The following CUL3 variants were observed in gnomAD, a reference collection of about 807,000 sequenced individuals.
CUL3 encodes cullin 3, also known as cullin-3.
CUL3 carries 19 observed loss-of-function variants against 89.1 expected under a neutral mutation model. The ratio of observed to expected loss-of-function variants is 0.21; its 90% CI spans 0.15 to 0.31. The LOEUF is 0.31. CUL3 is among the 10% of genes least tolerant of loss of function. The pLI is 1.00. For missense variants in CUL3, 469 were observed against 942.3 expected, an observed-to-expected ratio of 0.50 and a Z score of 6.58; for synonymous variants, 351 against 308.4, an observed-to-expected ratio of 1.14 and a Z score of -1.45.
chr2:224,508,602 G>C (rs1692691580), intron 6 of CUL3, among the ~76,000 whole-genome samples: 1 of 152,080 alleles, frequency 6.6e-6, no homozygotes, highest in Non-Finnish European at 1.5e-5. Flanking sequence ...GAATGTAAAA[G>C]TAAATGAAAA....
At chr2:224,508,831 G>A (rs925223739) in intron 6 of CUL3, among the ~76,000 whole-genome samples, 1 of 151,764 alleles carries the variant, frequency 6.6e-6, no homozygotes, top group African/African-American at 2.4e-5. Flanking sequence ...GCGTGGTGGC[G>A]GGAGCCTGCA....
chr2:224,502,244 GT>G (rs954286008), intron 10 of CUL3, among the ~76,000 whole-genome samples: 1 of 152,122 alleles, frequency 6.6e-6, no homozygotes, highest in African/African-American at 2.4e-5. Flanking sequence ...CTGTTAAATG[GT>G]TGTGACACAT....
chr2:224,507,743 C>G (rs940878505), intron 6 of CUL3, among the ~76,000 whole-genome samples: 2 of 152,096 alleles, frequency 1.3e-5, no homozygotes, highest in Admixed American at 1.3e-4. Flanking sequence ...TCATTTTTCA[C>G]AAGACTAAAA....
intron 13 of CUL3, among the ~76,000 whole-genome samples, chr2:224,483,280 T>C (rs1691596446): frequency 6.6e-6 from 1 of 152,190 alleles, no homozygotes; most frequent in African/African-American, 2.4e-5. Flanking sequence ...CCTTAGGTGG[T>C]ATTTTAAGAT....
chr2:224,520,394 C>T (rs1195604140), intron 3 of CUL3, among the ~76,000 whole-genome samples: 2 of 152,240 alleles, frequency 1.3e-5, no homozygotes, highest in Non-Finnish European at 2.9e-5. Context: ...CTGACTTCAT[C>T]CATACAGTAA....
rs1031059406 is a variant in CUL3 at position 224,510,962 on chromosome 2, G to C, written c.883+392C>G. ...AAAGGAAAGTCTACAAAAATCTTAAGGTGGAAACTTAAGGTTTTAAGAGAA... is the reference window on the plus strand; with the variant it reads ...AAAGGAAAGTCTACAAAAATCTTAACGTGGAAACTTAAGGTTTTAAGAGAA... On this transcript the variant is annotated intron_variant, in intron 6 of 15. Coordinates refer to ENST00000264414, the MANE Select transcript of CUL3 (RefSeq NM_003590.5). 3.3e-5 allele frequency among the ~76,000 whole-genome samples: 5 copies of C among 152,208 alleles called. No individual in the cohort carries two copies. In the East Asian group the frequency reaches 5.8e-4, roughly 18 times the overall value.
At chr2:224,502,924 T>A in intron 10 of CUL3, 41 bp downstream of exon 10, 3 of 1,420,116 alleles carry the variant, frequency 2.1e-6, no homozygotes, top group Non-Finnish European at 3.0e-6. Flanking sequence ...TACAAAAGAC[T>A]TTACATGAAT....
chr2:224,508,286 T>C (rs1456908927), intron 6 of CUL3, among the ~76,000 whole-genome samples: 3 of 152,122 alleles, frequency 2.0e-5, no homozygotes, highest in Admixed American at 1.3e-4. Flanking sequence ...CAGCAGCAAA[T>C]TTTAGTTAGT....
chr2:224,507,147 T>C (rs988944782), intron 6 of CUL3, 144 bp from the exon 7 acceptor site: 4 of 578,240 alleles, frequency 6.9e-6, no homozygotes, highest in East Asian at 6.3e-5. Flanking sequence ...TATACATATA[T>C]TGATATGAAA....
chr2:224,570,499 C>T (rs1695158482), intron 1 of CUL3, among the ~76,000 whole-genome samples: 1 of 152,154 alleles, frequency 6.6e-6, no homozygotes, highest in Admixed American at 6.6e-5. Flanking sequence ...TTCTTCCTTG[C>T]CTATGTAGAA....
chr2:224,553,934 T>C (rs1230122614), intron 2 of CUL3, among the ~76,000 whole-genome samples: 1 of 152,196 alleles, frequency 6.6e-6, no homozygotes, highest in Non-Finnish European at 1.5e-5. Context: ...AAGCAACTTA[T>C]AATATACTGA....
chr2:224,516,583 G>C (rs1693058984), intron 3 of CUL3, among the ~76,000 whole-genome samples: 1 of 151,948 alleles, frequency 6.6e-6, no homozygotes, highest in Non-Finnish European at 1.5e-5. Flanking sequence ...CCAAAATGCT[G>C]GGATTACAGG....
intron 3 of CUL3, among the ~76,000 whole-genome samples, chr2:224,525,661 AAC>A (rs756911273): frequency 2.6e-5 from 4 of 152,234 alleles, no homozygotes; most frequent in Non-Finnish European, 5.9e-5. Context: ...AAAGTGCTTA[AAC>A]AGTGCCTGGC....
In CUL3 at chr2:224,502,955, A is replaced by C; in HGVS notation, c.1485+10T>G. On this transcript the variant is annotated intron_variant, in intron 10 of 15. Transcript: ENST00000264414. ...TGAATATCTAAGTAGAAATTAACGC[A>C]GAATCTTACACCAGTTGCCTGTAGA... The C allele has an allele frequency of 6.3e-7, 1 of 1,591,508 alleles. No homozygotes were observed. Among genetic ancestry groups the C allele is most frequent in the Non-Finnish European group, 8.6e-7 (1 of 1,160,478 alleles).
chr2:224,517,521 A>G (rs1693102441), intron 3 of CUL3, among the ~76,000 whole-genome samples: 1 of 152,102 alleles, frequency 6.6e-6, no homozygotes, highest in East Asian at 1.9e-4. Context: ...AAAAATACAA[A>G]AATTGGCCAG....
At chr2:224,490,000 A>T (rs551646706) in intron 13 of CUL3, among the ~76,000 whole-genome samples, 11 of 152,310 alleles carry the variant, frequency 7.2e-5, no homozygotes, top group African/African-American at 2.6e-4. Flanking sequence ...ACTTAAGCAA[A>T]TTTACAAGAA....
At chr2:224,568,805 T>C (rs1695109964) in intron 1 of CUL3, among the ~76,000 whole-genome samples, 1 of 152,110 alleles carries the variant, frequency 6.6e-6, no homozygotes, top group African/African-American at 2.4e-5. Context: ...GTCCAAAAAC[T>C]ACATATCAAA....
At chr2:224,537,576 C>T (rs986755247) in intron 2 of CUL3, among the ~76,000 whole-genome samples, 1 of 152,058 alleles carries the variant, frequency 6.6e-6, no homozygotes, top group South Asian at 2.1e-4. Context: ...CCAACAAAAA[C>T]CCAGCAAGCT....
Position 224,506,151 on chromosome 2 carries a change from A to G in CUL3, c.1030-19T>C. 6.6e-7 allele frequency: 1 copy of G among 1,518,718 alleles called. No homozygotes were observed. Among genetic ancestry groups the G allele is most frequent in the Non-Finnish European group, 8.8e-7 (1 of 1,130,468 alleles). The allele number at this position is 1,518,718 out of a possible 1,614,324, so 94.1% of individuals were successfully genotyped here. ...ATAAGCCCTTAGAAATAAAAACAAA[A>G]TTTAGGACACATTATAATAATTTTT... On this transcript the variant is annotated intron_variant, in intron 7 of 15. Coordinates refer to ENST00000264414, the MANE Select transcript of CUL3 (RefSeq NM_003590.5).
Sources: gnomAD v4.1 joint callset for allele counts (sites outside exome capture counted in the v4.1 genomes callset) on GRCh38, gnomAD v4.1.1 for gene constraint, MANE v1.5 for transcripts, NCBI Gene and HGNC (gene_info 2026-07-23, HGNC 2026-07-21) for gene names.